DLG2: variants seen among roughly 807,000 people sequenced by gnomAD.
DLG2 encodes the protein discs large MAGUK scaffold protein 2, also known as disks large homolog 2.
DLG2 carries 45 observed loss-of-function variants against 132.5 expected under a neutral mutation model. The observed-to-expected ratio is 0.34, with a 90% CI of 0.27 to 0.44. The LOEUF (loss-of-function observed/expected upper bound fraction) is 0.44. DLG2 is among the 20% of genes least tolerant of loss of function. DLG2 has a pLI of 1.00. For missense variants in DLG2, 1,045 were observed against 1,196.9 expected (o/e 0.87, Z 1.87); for synonymous variants, 424 against 419.6 (o/e 1.01, Z -0.13).
intron 7 of DLG2, among the ~76,000 whole-genome samples, chr11:84,501,324 G>C (rs183461876): frequency 7.9e-5 from 12 of 152,322 alleles, no homozygotes; most frequent in Admixed American, 5.9e-4. Context: ...CAGCACTTTG[G>C]GAGGCCAAGG....
chr11:84,507,592 A>T (rs1411309333), intron 7 of DLG2, among the ~76,000 whole-genome samples: 1 of 152,158 alleles, frequency 6.6e-6, no homozygotes, highest in Non-Finnish European at 1.5e-5. Context: ...ATTCAGTATG[A>T]TGTTGGCTGC....
At chr11:84,986,547 C>G (rs2056514406) in intron 6 of DLG2, among the ~76,000 whole-genome samples, 1 of 152,122 alleles carries the variant, frequency 6.6e-6, no homozygotes, top group Admixed American at 6.6e-5. Context: ...CTAATCGAAT[C>G]CAACAACACA....
chr11:84,478,182 G>A (rs1822368563), intron 7 of DLG2, among the ~76,000 whole-genome samples: 1 of 152,078 alleles, frequency 6.6e-6, no homozygotes, highest in South Asian at 2.1e-4. Context: ...GAGGCAGCAT[G>A]TCACAGTGGC....
At chr11:85,448,156 T>C (rs1024153645) in intron 3 of DLG2, among the ~76,000 whole-genome samples, 9 of 152,194 alleles carry the variant, frequency 5.9e-5, no homozygotes, top group Non-Finnish European at 1.3e-4. Context: ...TACCTTACAA[T>C]GTTTTCATGA....
intron 4 of DLG2, among the ~76,000 whole-genome samples, chr11:85,235,468 A>G (rs2075535969): frequency 6.6e-6 from 1 of 151,984 alleles, no homozygotes; most frequent in South Asian, 2.1e-4. Flanking sequence ...TAGTAAGAAA[A>G]GTTTAGAAGT....
chr11:84,507,382 G>T (rs1290469013), intron 7 of DLG2, among the ~76,000 whole-genome samples: 2 of 152,184 alleles, frequency 1.3e-5, no homozygotes, highest in Non-Finnish European at 2.9e-5. Flanking sequence ...GCTTTGAAGA[G>T]AAGTGATGAG....
intron 6 of DLG2, among the ~76,000 whole-genome samples, chr11:84,842,477 A>G (rs779851633): frequency 6.6e-6 from 1 of 151,990 alleles, no homozygotes; most frequent in Admixed American, 6.6e-5. Flanking sequence ...GATGTCAAAG[A>G]AATAAGTTCT....
intron 6 of DLG2, among the ~76,000 whole-genome samples, chr11:84,797,543 T>C (rs2074807045): frequency 6.6e-6 from 1 of 152,196 alleles, no homozygotes; most frequent in African/African-American, 2.4e-5. Context: ...GTCAGTTGAA[T>C]TTTTCAGCTC....
At chr11:84,571,439 G>A (rs1032169145) in intron 6 of DLG2, among the ~76,000 whole-genome samples, 1 of 151,550 alleles carries the variant, frequency 6.6e-6, no homozygotes, top group Non-Finnish European at 1.5e-5. Context: ...TCATTTCACA[G>A]TGCAGCATCC....
At chr11:84,255,303 C>T (rs905917904) in intron 7 of DLG2, among the ~76,000 whole-genome samples, 5 of 152,042 alleles carry the variant, frequency 3.3e-5, no homozygotes, top group African/African-American at 1.2e-4. Flanking sequence ...TTTCACACTG[C>T]CCTGCCATAT....
intron 6 of DLG2, among the ~76,000 whole-genome samples, chr11:84,843,318 G>T (rs371420996): frequency 2.0e-5 from 3 of 150,612 alleles, no homozygotes; most frequent in African/African-American, 4.9e-5. Flanking sequence ...CAAGGGATTC[G>T]GTACTGGATC....
intron 6 of DLG2, among the ~76,000 whole-genome samples, chr11:84,881,699 T>C (rs978102376): frequency 1.3e-5 from 2 of 152,110 alleles, no homozygotes; most frequent in Non-Finnish European, 2.9e-5. Context: ...GGGGATTGCA[T>C]TGCCTCCAGA....
At chr11:85,352,022 G>A (rs958145181) in intron 3 of DLG2, among the ~76,000 whole-genome samples, 3 of 152,198 alleles carry the variant, frequency 2.0e-5, no homozygotes, top group Non-Finnish European at 4.4e-5. Flanking sequence ...GAATCTGGCT[G>A]TAAATCCATC....
intron 6 of DLG2, among the ~76,000 whole-genome samples, chr11:84,788,395 G>A (rs774273366): frequency 2.0e-5 from 3 of 151,958 alleles, no homozygotes; most frequent in East Asian, 1.9e-4. Context: ...GTAGGTATGC[G>A]CTACTTTCAG....
intron 5 of DLG2, among the ~76,000 whole-genome samples, chr11:85,152,837 C>T (rs1232375854): frequency 2.0e-5 from 3 of 152,210 alleles, no homozygotes; most frequent in Admixed American, 6.5e-5. Context: ...AGAAACCTAA[C>T]TTTCTGCCCC....
chr11:84,398,347 A>G (rs2098817927), intron 7 of DLG2, among the ~76,000 whole-genome samples: 1 of 152,170 alleles, frequency 6.6e-6, no homozygotes, highest in African/African-American at 2.4e-5. Context: ...AACAGGAGAA[A>G]GAGAAGACGA....
In DLG2 at chr11:83,849,254, T is replaced by C. The variant is rs959783318; in HGVS notation, c.1566-15484A>G. Among the ~76,000 whole-genome samples the C allele has an allele frequency of 7.5e-5, 11 of 145,906 alleles. 1 individual carries two copies. Among genetic ancestry groups the C allele is most frequent in the African/African-American group, 3.0e-4 (11 of 36,758 alleles). ...TTTTTGTGAGGATTAAATGGGATAA[T>C]AAATGCAAATTCCTGGACCATATTA... On this transcript the variant is annotated intron_variant, in intron 16 of 27. Coordinates refer to ENST00000376104, the MANE Select transcript of DLG2 (RefSeq NM_001142699.3).
intron 25 of DLG2, among the ~76,000 whole-genome samples, chr11:83,468,338 T>C (rs1171078729): frequency 6.6e-6 from 1 of 152,202 alleles, no homozygotes; most frequent in Non-Finnish European, 1.5e-5. Flanking sequence ...CATGTATAAA[T>C]GCTGGTTGAT....
At chr11:85,555,870 T>C (rs1177071144) in intron 3 of DLG2, among the ~76,000 whole-genome samples, 1 of 151,874 alleles carries the variant, frequency 6.6e-6, no homozygotes, top group Non-Finnish European at 1.5e-5. Context: ...CCCTGAAAGT[T>C]ATCAACTATT....
Sources: gnomAD v4.1 joint callset for allele counts (sites outside exome capture counted in the v4.1 genomes callset) on GRCh38, gnomAD v4.1.1 for gene constraint, MANE v1.5 for transcripts, NCBI Gene and HGNC (gene_info 2026-07-23, HGNC 2026-07-21) for gene names.